Variants in LDLRAD3 observed in about 807,000 individuals in gnomAD.
The protein encoded by LDLRAD3 is low density lipoprotein receptor class A domain containing 3, also known as low-density lipoprotein receptor class A domain-containing protein 3.
In LDLRAD3, 20 loss-of-function variants were observed where a neutral mutation model predicts 29.4. That is an observed-to-expected ratio of 0.68 (90% CI 0.48 to 0.99). The LOEUF (loss-of-function observed/expected upper bound fraction) is 0.99. Among genes scored for constraint, LDLRAD3 ranks in the 50% least tolerant of loss-of-function variants. The pLI, the probability that LDLRAD3 is intolerant of heterozygous loss-of-function variation, is 0.00. For missense variants in LDLRAD3, 420 were observed against 454.3 expected (o/e 0.92, Z 0.69); for synonymous variants, 157 against 192.7 (o/e 0.81, Z 1.53).
At chr11:36,069,664 T>C (rs1852862354) in intron 2 of LDLRAD3, among the ~76,000 whole-genome samples, 1 of 151,880 alleles carries the variant, frequency 6.6e-6, no homozygotes, top group African/African-American at 2.4e-5. Context: ...AATGAAAAGA[T>C]GCCAGGTACT....
At chr11:36,208,570 T>C (rs888762018) in intron 4 of LDLRAD3, among the ~76,000 whole-genome samples, 1 of 152,202 alleles carries the variant, frequency 6.6e-6, no homozygotes. Flanking sequence ...TGCCTCACCC[T>C]TCAGTACCAT....
intron 2 of LDLRAD3, among the ~76,000 whole-genome samples, chr11:36,061,558 A>G (rs866409817): frequency 6.6e-6 from 1 of 152,178 alleles, no homozygotes; most frequent in Non-Finnish European, 1.5e-5. Flanking sequence ...GCTAATTGAT[A>G]CTACTAACTG....
intron 4 of LDLRAD3, among the ~76,000 whole-genome samples, chr11:36,226,035 C>G (rs1028040526): frequency 6.6e-6 from 1 of 151,656 alleles, no homozygotes; most frequent in Admixed American, 6.6e-5. Context: ...CCACTGCACT[C>G]CAGCCTGGGT....
chr11:35,986,112 G>A (rs1446006610), intron 1 of LDLRAD3, among the ~76,000 whole-genome samples: 1 of 152,010 alleles, frequency 6.6e-6, no homozygotes, highest in Non-Finnish European at 1.5e-5. Flanking sequence ...TTGGATCCAG[G>A]AAGATCCAGA....
At chr11:35,977,759 C>T (rs986297750) in intron 1 of LDLRAD3, among the ~76,000 whole-genome samples, 3 of 152,082 alleles carry the variant, frequency 2.0e-5, no homozygotes, top group Non-Finnish European at 4.4e-5. Context: ...CTGGTGAGGG[C>T]GCTCTGCTTC....
intron 1 of LDLRAD3, among the ~76,000 whole-genome samples, chr11:36,012,217 TC>T (rs1851964602): frequency 6.6e-6 from 1 of 152,186 alleles, no homozygotes; most frequent in African/African-American, 2.4e-5. Flanking sequence ...GTCCATGTGT[TC>T]CACCTACAAA....
chr11:36,146,937 A>G (rs1293417934), intron 4 of LDLRAD3, among the ~76,000 whole-genome samples: 1 of 150,614 alleles, frequency 6.6e-6, no homozygotes, highest in Non-Finnish European at 1.5e-5. Context: ...CTACAGATGC[A>G]TACTGCCACA....
intron 1 of LDLRAD3, among the ~76,000 whole-genome samples, chr11:35,973,992 A>G (rs1013653743): frequency 6.6e-6 from 1 of 152,196 alleles, no homozygotes; most frequent in Non-Finnish European, 1.5e-5. Context: ...TTTCATTTCT[A>G]TAAACTGTTT....
At chr11:36,005,683 TC>T (rs1370574871) in intron 1 of LDLRAD3, among the ~76,000 whole-genome samples, 13 of 152,298 alleles carry the variant, frequency 8.5e-5, no homozygotes, top group African/African-American at 2.9e-4. Flanking sequence ...CTGTATTAGT[TC>T]ATTTTCACAC....
intron 4 of LDLRAD3, among the ~76,000 whole-genome samples, chr11:36,128,579 T>C (rs1207883779): frequency 6.6e-6 from 1 of 152,194 alleles, no homozygotes; most frequent in Non-Finnish European, 1.5e-5. Flanking sequence ...CTGGGCACGG[T>C]GATTCATGCC....
intron 1 of LDLRAD3, among the ~76,000 whole-genome samples, chr11:35,990,290 T>G (rs1356484837): frequency 6.6e-6 from 1 of 152,034 alleles, no homozygotes. Flanking sequence ...TGAATCAAGG[T>G]GTTTGTAGGG....
At chr11:36,101,885 CTTTTTTT>C in intron 4 of LDLRAD3, 53 of 223,912 alleles carry the variant, frequency 2.4e-4, no homozygotes, top group East Asian at 4.4e-4. Context: ...CCACTGTCAT[CTTTTTTT>C]TTTTTTTTTT....
rs981771836 is a variant in LDLRAD3, at chr11:36,111,016, T to C, written c.454+12555T>C. Among the ~76,000 whole-genome samples, 3 of 152,188 alleles carry C rather than the reference T, an allele frequency of 2.0e-5. No individual in the cohort carries two copies. The South Asian group carries it at 6.2e-4, about 32-fold the overall frequency. ...GAGATTCTGTATGGCTGGAGCAAAG[T>C]GTGCATGTGTATGTGTGGGGAGTGG... is the stretch of plus-strand genomic sequence containing the variant. On this transcript the variant is annotated intron_variant, in intron 4 of 5. Transcript: ENST00000315571.
chr11:35,960,174 T>A (rs1451136510), intron 1 of LDLRAD3, among the ~76,000 whole-genome samples: 3 of 152,324 alleles, frequency 2.0e-5, no homozygotes, highest in African/African-American at 7.2e-5. Context: ...CTTTATAATT[T>A]TGAGTTCCAT....
chr11:36,020,217 A>G (rs1852078779), intron 1 of LDLRAD3, among the ~76,000 whole-genome samples: 1 of 152,200 alleles, frequency 6.6e-6, no homozygotes, highest in Non-Finnish European at 1.5e-5. Context: ...GTTGCCTCAC[A>G]GAAAATCCTA....
chr11:36,121,909 C>T (rs1040180844), intron 4 of LDLRAD3, among the ~76,000 whole-genome samples: 3 of 152,206 alleles, frequency 2.0e-5, no homozygotes, highest in Non-Finnish European at 4.4e-5. Flanking sequence ...GTTACTGAGC[C>T]CTCGCGGCAT....
At chr11:36,149,285 G>A (rs1854241223) in intron 4 of LDLRAD3, among the ~76,000 whole-genome samples, 1 of 152,190 alleles carries the variant, frequency 6.6e-6, no homozygotes, top group African/African-American at 2.4e-5. Context: ...CTGTGCAGAA[G>A]GTAAAATGAA....
intron 1 of LDLRAD3, chr11:36,010,037 T>C (rs936577254): frequency 6.5e-6 from 1 of 154,392 alleles, no homozygotes; most frequent in Non-Finnish European, 1.5e-5. Context: ...AATAAGGGAC[T>C]GAAGAGTATA....
At chr11:36,199,054 C>A (rs184304968) in intron 4 of LDLRAD3, among the ~76,000 whole-genome samples, 152 of 152,308 alleles carry the variant, frequency 1.0e-3, no homozygotes, top group African/African-American at 3.5e-3. Context: ...GCGCCTGCCA[C>A]CTCGCCCGGC....
Sources: gnomAD v4.1 joint callset for allele counts (sites outside exome capture counted in the v4.1 genomes callset) on GRCh38, gnomAD v4.1.1 for gene constraint, MANE v1.5 for transcripts, NCBI Gene and HGNC (gene_info 2026-07-23, HGNC 2026-07-21) for gene names.